KHDRBS2: variants seen among roughly 807,000 people sequenced by gnomAD.
The protein encoded by KHDRBS2 is KH domain-containing, RNA-binding, signal transduction-associated protein 2.
In KHDRBS2, 26 loss-of-function variants were observed where a neutral mutation model predicts 44.3. The ratio of observed to expected loss-of-function variants is 0.59; its 90% CI spans 0.43 to 0.81. The LOEUF is 0.81. KHDRBS2 is among the 40% of genes least tolerant of loss of function. The probability of loss-of-function intolerance (pLI) is 0.00; values close to 1 mark genes in which losing one functional copy is unlikely to be tolerated. For missense variants in KHDRBS2, 476 were observed against 433.1 expected, an observed-to-expected ratio of 1.10 and a Z score of -0.88; for synonymous variants, 194 against 151.1, an observed-to-expected ratio of 1.28 and a Z score of -2.08.
intron 1 of KHDRBS2, among the ~76,000 whole-genome samples, chr6:62,223,239 C>A (rs1205319397): frequency 3.3e-5 from 5 of 152,234 alleles, no homozygotes; most frequent in African/African-American, 1.2e-4. Flanking sequence ...CTCAACACCG[C>A]GTGGAGGCTG....
chr6:62,090,559 G>GTT (rs538521180), intron 2 of KHDRBS2, among the ~76,000 whole-genome samples: 6 of 143,054 alleles, frequency 4.2e-5, no homozygotes, highest in East Asian at 2.1e-4. Flanking sequence ...TAGGAAAGGT[G>GTT]TTTTTTTTTT....
At chr6:61,725,464 T>C (rs1368613758) in intron 7 of KHDRBS2, among the ~76,000 whole-genome samples, 1 of 151,772 alleles carries the variant, frequency 6.6e-6, no homozygotes, top group Non-Finnish European at 1.5e-5. Context: ...CTAATGGAGA[T>C]AGAGACATGA....
intron 1 of KHDRBS2, among the ~76,000 whole-genome samples, chr6:62,227,487 C>T (rs1389033105): frequency 4.6e-5 from 7 of 152,130 alleles, no homozygotes; most frequent in Admixed American, 4.6e-4. Flanking sequence ...GATTTGACTT[C>T]TTCTCTTCCT....
At chr6:62,079,065 C>A (rs1796898346) in intron 2 of KHDRBS2, among the ~76,000 whole-genome samples, 1 of 151,902 alleles carries the variant, frequency 6.6e-6, no homozygotes, top group African/African-American at 2.4e-5. Flanking sequence ...CGGGACATAT[C>A]TAAAAAAATT....
At chr6:62,058,080 T>C (rs1477373697) in intron 2 of KHDRBS2, among the ~76,000 whole-genome samples, 2 of 151,938 alleles carry the variant, frequency 1.3e-5, no homozygotes, top group Non-Finnish European at 2.9e-5. Flanking sequence ...TTTTCTTTTT[T>C]TACACGTGGC....
the KHDRBS2 span, among the ~76,000 whole-genome samples, chr6:61,579,950 G>GGGA: frequency 6.6e-6 from 1 of 151,804 alleles, no homozygotes; most frequent in East Asian, 2.0e-4. Context: ...CCAGCTACTT[G>GGGA]GGAGGCTGAG....
chr6:61,792,874 T>C (rs1784820939), intron 6 of KHDRBS2, among the ~76,000 whole-genome samples: 1 of 151,950 alleles, frequency 6.6e-6, no homozygotes, highest in South Asian at 2.1e-4. Flanking sequence ...ATTAAAATTC[T>C]AAAAGGTTTG....
chr6:61,870,482 C>T (rs1798507197), intron 6 of KHDRBS2, among the ~76,000 whole-genome samples: 1 of 152,142 alleles, frequency 6.6e-6, no homozygotes, highest in Non-Finnish European at 1.5e-5. Flanking sequence ...AGACTTAAAC[C>T]TCCCTGCCTG....
chr6:61,963,961 T>G (rs1769330170), intron 4 of KHDRBS2, among the ~76,000 whole-genome samples: 1 of 152,062 alleles, frequency 6.6e-6, no homozygotes, highest in South Asian at 2.1e-4. Context: ...AAAAGACAAC[T>G]TTTAAGATTC....
chr6:61,659,161 GA>G, the KHDRBS2 span: 1 of 151,354 alleles, frequency 6.6e-6, no homozygotes. Context: ...CTATGGTAAG[GA>G]GAAAAATAGA....
intron 6 of KHDRBS2, among the ~76,000 whole-genome samples, chr6:61,891,452 T>C (rs1318520529): frequency 6.6e-6 from 1 of 152,138 alleles, no homozygotes; most frequent in East Asian, 1.9e-4. Flanking sequence ...CCTCATAAAA[T>C]GAGTTAGGAA....
the KHDRBS2 span, among the ~76,000 whole-genome samples, chr6:61,640,800 A>C: frequency 6.6e-6 from 1 of 152,176 alleles, no homozygotes; most frequent in African/African-American, 2.4e-5. Context: ...GACATACCAG[A>C]GATCAGGTAA....
At chr6:62,062,305 C>T (rs1280923727) in intron 2 of KHDRBS2, among the ~76,000 whole-genome samples, 7 of 144,944 alleles carry the variant, frequency 4.8e-5, no homozygotes, top group South Asian at 2.3e-4. Context: ...AACTTTCCAC[C>T]CCAAATCAAC....
rs556760515 is a variant in KHDRBS2, at chr6:61,967,370, C to T, written c.483+10696G>A. Among the ~76,000 whole-genome samples, 8 of 151,906 alleles carry T rather than the reference C, an allele frequency of 5.3e-5. No homozygotes were observed. The East Asian group carries it at 1.4e-3, about 26-fold the overall frequency. On this transcript the variant is annotated intron_variant, in intron 4 of 8. Transcript: ENST00000281156. ...TTTGAAAGTGCTTGGAAATGTAAGC[C>T]ATTTTACAAGCTGTATGCTGTGAAG...
rs557287519 is a variant in KHDRBS2, at chr6:62,245,873, T to G, written c.91+39985A>C. On this transcript the variant is annotated intron_variant, in intron 1 of 8. Transcript: ENST00000281156. Reference sequence around the variant, plus strand: ...GGAATAGAGCAGTTTGCATTTGCCATTCTATGTTTTCATATTGTATCTGCA... The same window carrying G: ...GGAATAGAGCAGTTTGCATTTGCCAGTCTATGTTTTCATATTGTATCTGCA... Among the ~76,000 whole-genome samples, 380 of 151,912 alleles carry G rather than the reference T, an allele frequency of 2.5e-3. 3 individuals carry two copies. Among genetic ancestry groups the G allele is most frequent in the African/African-American group, 8.4e-3 (348 of 41,482 alleles).
the KHDRBS2 span, among the ~76,000 whole-genome samples, chr6:61,612,903 A>G: frequency 8.3e-6 from 1 of 120,220 alleles, no homozygotes; most frequent in Non-Finnish European, 1.6e-5. Flanking sequence ...CCCAGGCTGG[A>G]GTGCAGTGGC....
chr6:61,684,940 T>A (rs1386957719), intron 8 of KHDRBS2, among the ~76,000 whole-genome samples: 1 of 151,500 alleles, frequency 6.6e-6, no homozygotes, highest in East Asian at 1.9e-4. Flanking sequence ...AAAGCATCAC[T>A]AAACACATTT....
chr6:62,237,536 G>T (rs1033937916), intron 1 of KHDRBS2, among the ~76,000 whole-genome samples: 1 of 152,148 alleles, frequency 6.6e-6, no homozygotes, highest in African/African-American at 2.4e-5. Flanking sequence ...AACATGATGG[G>T]TGAAAGAGAA....
At chr6:61,755,487 C>T (rs1342725938) in intron 6 of KHDRBS2, among the ~76,000 whole-genome samples, 1 of 152,058 alleles carries the variant, frequency 6.6e-6, no homozygotes, top group Non-Finnish European at 1.5e-5. Flanking sequence ...TAAGCAGCTC[C>T]TGAGGTCATC....
Sources: allele counts gnomAD v4.1 joint callset (sites outside exome capture counted in the v4.1 genomes callset), GRCh38; gene constraint gnomAD v4.1.1; transcripts MANE v1.5; gene names NCBI Gene and HGNC (gene_info 2026-07-23, HGNC 2026-07-21).